The following PDZRN4 variants were observed in gnomAD, a reference collection of about 807,000 sequenced individuals.
PDZRN4 encodes the protein PDZ domain-containing RING finger protein 4.
A neutral mutation model predicts 99.0 loss-of-function variants in PDZRN4; 70 were observed. The observed-to-expected ratio is 0.71, with a 90% CI of 0.58 to 0.86. The LOEUF is 0.86. Ranked by LOEUF, PDZRN4 falls within the 40% of genes least tolerant of loss-of-function variation. The pLI is 0.00. For missense variants in PDZRN4, 1,474 were observed against 1,331.2 expected, an observed-to-expected ratio of 1.11 and a Z score of -1.67; for synonymous variants, 551 against 501.6, an observed-to-expected ratio of 1.10 and a Z score of -1.32.
chr12:41,440,204 A>G (rs1391973780), intron 3 of PDZRN4, among the ~76,000 whole-genome samples: 1 of 152,266 alleles, frequency 6.6e-6, no homozygotes, highest in East Asian at 1.9e-4. Flanking sequence ...TGCCCAAATC[A>G]TATTTATTTA....
intron 3 of PDZRN4, chr12:41,412,446 C>T (rs1952407154): frequency 8.7e-6 from 1 of 114,706 alleles, no homozygotes; most frequent in Non-Finnish European, 1.9e-5. Context: ...ATGGAGTCTT[C>T]ATTTTGGGTA....
At chr12:41,572,235 C>G in intron 9 of PDZRN4, 129 bp from the exon 10 acceptor site, 1 of 702,300 alleles carries the variant, frequency 1.4e-6, no homozygotes, top group Non-Finnish European at 2.3e-6. Flanking sequence ...TGTGATGGAC[C>G]CTAAATTAGA....
intron 8 of PDZRN4, among the ~76,000 whole-genome samples, chr12:41,564,903 G>A (rs1160284650): frequency 6.6e-6 from 1 of 152,152 alleles, no homozygotes; most frequent in Non-Finnish European, 1.5e-5. Context: ...ATAAATTGAA[G>A]TTGCCATCTC....
At chr12:41,395,787 T>G (rs1321637053) in intron 3 of PDZRN4, among the ~76,000 whole-genome samples, 1 of 152,260 alleles carries the variant, frequency 6.6e-6, no homozygotes, top group Non-Finnish European at 1.5e-5. Context: ...GGACACACAT[T>G]GATTTCATTA....
intron 5 of PDZRN4, among the ~76,000 whole-genome samples, chr12:41,545,354 T>G (rs1565611228): frequency 6.6e-6 from 1 of 152,308 alleles, no homozygotes; most frequent in East Asian, 1.9e-4. Context: ...ATGGTCAATG[T>G]TTCTCTGTTT....
intron 3 of PDZRN4, among the ~76,000 whole-genome samples, chr12:41,346,359 G>A (rs1297422360): frequency 1.3e-5 from 2 of 152,142 alleles, no homozygotes; most frequent in Non-Finnish European, 2.9e-5. Context: ...CTATTCGGGA[G>A]GCTGAGGCAG....
At chr12:41,399,649 T>G (rs1164893891) in intron 3 of PDZRN4, among the ~76,000 whole-genome samples, 2 of 151,836 alleles carry the variant, frequency 1.3e-5, no homozygotes, top group Non-Finnish European at 2.9e-5. Flanking sequence ...GGCAGGAGAA[T>G]TGGTTGAACC....
At chr12:41,419,541 A>G (rs1254214260) in intron 3 of PDZRN4, among the ~76,000 whole-genome samples, 2 of 152,118 alleles carry the variant, frequency 1.3e-5, no homozygotes, top group African/African-American at 2.4e-5. Flanking sequence ...TGGGATTTTT[A>G]CCTAATGATC....
At chr12:41,339,385 A>G in intron 3 of PDZRN4, among the ~76,000 whole-genome samples, 1 of 152,060 alleles carries the variant, frequency 6.6e-6, no homozygotes, top group Non-Finnish European at 1.5e-5. Context: ...GCAAAAGAAT[A>G]AAGCTAGACT....
chr12:41,486,686 A>G (rs1287744939), intron 3 of PDZRN4, among the ~76,000 whole-genome samples: 1 of 152,132 alleles, frequency 6.6e-6, no homozygotes, highest in East Asian at 1.9e-4. Flanking sequence ...AGAAAAAAAA[A>G]TCAGAGTAAG....
chr12:41,209,757 T>G (rs1180699572), intron 3 of PDZRN4, among the ~76,000 whole-genome samples: 3 of 149,144 alleles, frequency 2.0e-5, no homozygotes, highest in Non-Finnish European at 4.4e-5. Context: ...TGTTGGACAT[T>G]TGGGTTGGTT....
At chr12:41,348,043 C>A (rs1302850943) in intron 3 of PDZRN4, among the ~76,000 whole-genome samples, 3 of 151,986 alleles carry the variant, frequency 2.0e-5, no homozygotes, top group Non-Finnish European at 4.4e-5. Flanking sequence ...AATGTAATGA[C>A]CATTTGTACT....
At chr12:41,412,741 T>C (rs1952409472) in intron 3 of PDZRN4, among the ~76,000 whole-genome samples, 1 of 152,148 alleles carries the variant, frequency 6.6e-6, no homozygotes, top group African/African-American at 2.4e-5. Flanking sequence ...GAACAATGAA[T>C]ACCAAATGCT....
chr12:41,483,445 G>A (rs1937715188), intron 3 of PDZRN4, among the ~76,000 whole-genome samples: 1 of 152,144 alleles, frequency 6.6e-6, no homozygotes. Flanking sequence ...AGAGGAAGCA[G>A]TCAGGAAGCA....
rs150279650 is a variant in PDZRN4, at chr12:41,319,836, G to A, written c.843+125648G>A. On this transcript the variant is annotated intron_variant, in intron 3 of 9. Transcript: ENST00000402685. ...TGTGGTTGCACCCCGGGTGCAATAT[G>A]CCTGCAACCCTTGCAGAAGTATATT... 5.8e-3 allele frequency among the ~76,000 whole-genome samples: 889 copies of A among 152,286 alleles called. 8 individuals carry two copies. Among genetic ancestry groups the A allele is most frequent in the African/African-American group, 0.02 (830 of 41,558 alleles).
chr12:41,464,759 A>G (rs980277428), intron 3 of PDZRN4, among the ~76,000 whole-genome samples: 15 of 151,940 alleles, frequency 9.9e-5, no homozygotes, highest in African/African-American at 2.9e-4. Flanking sequence ...GAGCCTGTTT[A>G]GAACCATTGG....
chr12:41,422,008 G>A (rs1378126735), intron 3 of PDZRN4, among the ~76,000 whole-genome samples: 1 of 152,108 alleles, frequency 6.6e-6, no homozygotes, highest in Non-Finnish European at 1.5e-5. Flanking sequence ...GTACCCACAT[G>A]TGTCAGTAAA....
At chr12:41,393,243 C>A (rs934148972) in intron 3 of PDZRN4, among the ~76,000 whole-genome samples, 1 of 152,122 alleles carries the variant, frequency 6.6e-6, no homozygotes, top group Non-Finnish European at 1.5e-5. Flanking sequence ...TGTTATATAA[C>A]AATAATTTTC....
At chr12:41,339,897 G>A (rs865928307) in intron 3 of PDZRN4, among the ~76,000 whole-genome samples, 35 of 152,066 alleles carry the variant, frequency 2.3e-4, no homozygotes, top group African/African-American at 8.2e-4. Flanking sequence ...CAGTTAACAT[G>A]GCTTGTCTCA....
Sources: gnomAD v4.1 joint callset for allele counts (sites outside exome capture counted in the v4.1 genomes callset) on GRCh38, gnomAD v4.1.1 for gene constraint, MANE v1.5 for transcripts, NCBI Gene and HGNC (gene_info 2026-07-23, HGNC 2026-07-21) for gene names.